Variants in USP7 observed in about 807,000 individuals in gnomAD.
USP7 encodes ubiquitin specific peptidase 7.
Under a neutral mutation model 162.9 loss-of-function variants are expected in USP7, and 9 were observed. That is an observed-to-expected ratio of 0.06 (90% CI 0.03 to 0.10). The LOEUF is 0.10. USP7 is among the 10% of genes least tolerant of loss of function. The pLI is 1.00. For synonymous variants in USP7, 562 were observed against 475.9 expected (o/e 1.18, Z -2.35); for missense variants, 715 against 1,373.7 (o/e 0.52, Z 7.58).
chr16:8,934,030 T>C (rs1232320487), intron 1 of USP7, among the ~76,000 whole-genome samples: 1 of 152,200 alleles, frequency 6.6e-6, no homozygotes, highest in East Asian at 1.9e-4. Flanking sequence ...AGTGCTGAGA[T>C]TACAGGCGTG....
At chr16:8,955,647 A>G (rs564982560) in intron 1 of USP7, among the ~76,000 whole-genome samples, 16 of 138,178 alleles carry the variant, frequency 1.2e-4, no homozygotes, top group Non-Finnish European at 9.2e-5. Context: ...AGGAGGTTGC[A>G]GTGAGCCGAG....
intron 19 of USP7, 32 bp from the exon 20 acceptor site, chr16:8,901,089 C>G (rs2061766873): frequency 1.2e-6 from 2 of 1,613,466 alleles, no homozygotes; most frequent in Non-Finnish European, 1.7e-6. Flanking sequence ...AAATGTGTAG[C>G]TGTAATGTAC....
At chr16:8,924,224 CTG>C (rs1897866827) in intron 2 of USP7, among the ~76,000 whole-genome samples, 1 of 152,242 alleles carries the variant, frequency 6.6e-6, no homozygotes. Flanking sequence ...TTGACAAACC[CTG>C]CAGCATCTTA....
intron 13 of USP7, among the ~76,000 whole-genome samples, chr16:8,905,950 CCCTG>C (rs2061853018): frequency 1.3e-5 from 2 of 152,176 alleles, no homozygotes; most frequent in Non-Finnish European, 2.9e-5. Flanking sequence ...TCGGTGCTGG[CCCTG>C]TGGTCTTGGG....
intron 13 of USP7, among the ~76,000 whole-genome samples, chr16:8,906,217 T>A (rs74010308): frequency 0.024 from 3,729 of 152,318 alleles, 133 homozygotes; most frequent in African/African-American, 0.085. Context: ...CATTGATTAC[T>A]CACAAAGAGA....
At chr16:8,960,055 G>A (rs867857585) in intron 1 of USP7, among the ~76,000 whole-genome samples, 1 of 152,202 alleles carries the variant, frequency 6.6e-6, no homozygotes, top group Non-Finnish European at 1.5e-5. Context: ...CGTCTACACC[G>A]ACCATCTGAG....
At chr16:8,916,430 C>A in intron 8 of USP7, 72 bp downstream of exon 8, 2 of 1,484,092 alleles carry the variant, frequency 1.3e-6, no homozygotes, top group Non-Finnish European at 1.8e-6. Context: ...TGAGGTTTTA[C>A]TTGGTAATAA....
At chr16:8,957,636 T>C (rs1246610314) in intron 1 of USP7, among the ~76,000 whole-genome samples, 2 of 151,598 alleles carry the variant, frequency 1.3e-5, no homozygotes, top group Non-Finnish European at 2.9e-5. Flanking sequence ...CCTGACCCTG[T>C]GGTCCCAGCT....
At chr16:8,921,629 C>G (rs1371658748) in intron 3 of USP7, among the ~76,000 whole-genome samples, 2 of 152,186 alleles carry the variant, frequency 1.3e-5, no homozygotes, top group African/African-American at 4.8e-5. Flanking sequence ...TTGCTCCTGC[C>G]CCTACAGCCC....
In USP7 at chr16:8,904,666, G is replaced by A. The variant is rs193082282; in HGVS notation, c.1574-101C>T. ...CATTAATAAAATAATCTATTAGGCCGGCGTGGTGGCTTACGCCTGTAATCC... is the reference window on the plus strand; with the variant it reads ...CATTAATAAAATAATCTATTAGGCCAGCGTGGTGGCTTACGCCTGTAATCC... On this transcript the variant is annotated intron_variant, in intron 14 of 30. Transcript: ENST00000344836. The A allele has an allele frequency of 8.4e-4, 1,274 of 1,511,190 alleles. 10 individuals carry two copies. In the African/African-American group the frequency reaches 0.014, roughly 17 times the overall value. 93.6% of individuals were successfully genotyped at this position (1,511,190 alleles called of 1,614,324 possible). A position where few individuals can be genotyped will look rare whatever the true frequency, so the allele number is the denominator to read the frequency against.
At chr16:8,924,028 T>TC (rs1375374701) in intron 2 of USP7, among the ~76,000 whole-genome samples, 1 of 134,086 alleles carries the variant, frequency 7.5e-6, no homozygotes, top group Non-Finnish European at 1.7e-5. Context: ...AGAACTGGTA[T>TC]TTTTTCCCAC....
intron 1 of USP7, among the ~76,000 whole-genome samples, chr16:8,933,591 ACACACT>A (rs1006276515): frequency 3.3e-5 from 5 of 152,264 alleles, no homozygotes; most frequent in African/African-American, 1.2e-4. Flanking sequence ...CTGTATATGC[ACACACT>A]CACACTATGT....
At chr16:8,903,944 G>A (rs1426430960) in intron 15 of USP7, among the ~76,000 whole-genome samples, 1 of 151,918 alleles carries the variant, frequency 6.6e-6, no homozygotes. Context: ...CCTATAAATT[G>A]GACCTAGCTA....
intron 10 of USP7, among the ~76,000 whole-genome samples, chr16:8,913,302 G>T (rs763254962): frequency 6.6e-6 from 1 of 152,210 alleles, no homozygotes; most frequent in Non-Finnish European, 1.5e-5. Flanking sequence ...GTTGCAGTGA[G>T]CCGAGATCGC....
At chr16:8,922,865 A>C (rs900366442) in intron 3 of USP7, among the ~76,000 whole-genome samples, 4 of 152,230 alleles carry the variant, frequency 2.6e-5, no homozygotes, top group Non-Finnish European at 4.4e-5. Context: ...CGTACAAATT[A>C]GCTATCACAC....
chr16:8,906,135 A>G (rs2061856156), intron 13 of USP7, among the ~76,000 whole-genome samples: 1 of 152,238 alleles, frequency 6.6e-6, no homozygotes, highest in Non-Finnish European at 1.5e-5. Flanking sequence ...CCGCATGGGT[A>G]ATTATCCCAC....
rs1217560105 is a variant in USP7 at position 8,963,292 on chromosome 16, C to T, written c.-7G>A. On this transcript the variant is annotated 5_prime_UTR_variant, in exon 1 of 31. Coordinates refer to ENST00000344836, the MANE Select transcript of USP7 (RefSeq NM_003470.3). ...GCTGCTGCTGGTGGTTCATGTCGGC[C>T]GCGGCCTGGGCCTCGCCTGCGGCCG... is the stretch of plus-strand genomic sequence containing the variant. 12 of 1,278,184 alleles carry T rather than the reference C, an allele frequency of 9.4e-6. No individual in the cohort carries two copies. Among genetic ancestry groups the T allele is most frequent in the East Asian group, 4.4e-5 (1 of 22,966 alleles). 79.2% of individuals were successfully genotyped at this position (1,278,184 alleles called of 1,614,324 possible).
chr16:8,908,556 G>C (rs1453006444), intron 11 of USP7, 106 bp from the exon 12 acceptor site: 2 of 927,460 alleles, frequency 2.2e-6, no homozygotes, highest in Admixed American at 5.3e-5. Context: ...GGAGACTCTG[G>C]AGACAAAGGC....
chr16:8,914,462 C>T (rs2061998409), intron 10 of USP7, among the ~76,000 whole-genome samples: 1 of 152,284 alleles, frequency 6.6e-6, no homozygotes, highest in South Asian at 2.1e-4. Context: ...CTGCCTTATG[C>T]CTAACCACCT....
Sources: gnomAD v4.1 joint callset for allele counts (sites outside exome capture counted in the v4.1 genomes callset) on GRCh38, gnomAD v4.1.1 for gene constraint, MANE v1.5 for transcripts, NCBI Gene and HGNC (gene_info 2026-07-23, HGNC 2026-07-21) for gene names.